PLCL1: variants seen among roughly 807,000 people sequenced by gnomAD.
PLCL1 encodes the protein inactive phospholipase C-like protein 1.
PLCL1 carries 41 observed loss-of-function variants against 84.4 expected under a neutral mutation model. The observed-to-expected ratio is 0.49, with a 90% CI of 0.38 to 0.63. The LOEUF is 0.63. PLCL1 is among the 30% of genes least tolerant of loss of function. The pLI is 0.00. For missense variants in PLCL1, 1,206 were observed against 1,367.8 expected (o/e 0.88, Z 1.87); for synonymous variants, 490 against 488.3 (o/e 1.00, Z -0.05).
intron 1 of PLCL1, among the ~76,000 whole-genome samples, chr2:197,928,476 A>C (rs1688874276): frequency 6.6e-6 from 1 of 152,226 alleles, no homozygotes; most frequent in African/African-American, 2.4e-5. Flanking sequence ...ATAAATATTC[A>C]AGATGCTCTG....
chr2:198,066,749 A>G (rs994004331), intron 1 of PLCL1, among the ~76,000 whole-genome samples: 5 of 152,050 alleles, frequency 3.3e-5, no homozygotes, highest in Non-Finnish European at 7.4e-5. Context: ...GGCCTGTGTT[A>G]GTGGAGTCTC....
chr2:197,814,064 CTT>C (rs1284726133), intron 1 of PLCL1, among the ~76,000 whole-genome samples: 2 of 152,182 alleles, frequency 1.3e-5, no homozygotes, highest in African/African-American at 4.8e-5. Flanking sequence ...TATAACTTTA[CTT>C]TAATATTGCA....
chr2:197,897,484 C>T (rs1688176294), intron 1 of PLCL1, among the ~76,000 whole-genome samples: 1 of 151,994 alleles, frequency 6.6e-6, no homozygotes, highest in Non-Finnish European at 1.5e-5. Context: ...GGCTAAGTCA[C>T]AGAACTTCTA....
chr2:197,945,323 A>G (rs1055374581), intron 1 of PLCL1, among the ~76,000 whole-genome samples: 1 of 152,136 alleles, frequency 6.6e-6, no homozygotes, highest in Non-Finnish European at 1.5e-5. Context: ...TAGGTTCTTT[A>G]TTAGATATTC....
chr2:198,082,948 G>C (rs1692759608), intron 1 of PLCL1, among the ~76,000 whole-genome samples: 1 of 152,180 alleles, frequency 6.6e-6, no homozygotes, highest in African/African-American at 2.4e-5. Flanking sequence ...CTGGAATTCT[G>C]TAACACTAAG....
intron 1 of PLCL1, among the ~76,000 whole-genome samples, chr2:197,822,397 C>T (rs1482320992): frequency 2.0e-5 from 3 of 152,114 alleles, no homozygotes; most frequent in Admixed American, 1.3e-4. Flanking sequence ...CCTATTTCTA[C>T]CTTCAGGAGC....
At chr2:198,144,995 GT>G in intron 5 of PLCL1, among the ~76,000 whole-genome samples, 1 of 152,056 alleles carries the variant, frequency 6.6e-6, no homozygotes, top group Non-Finnish European at 1.5e-5. Flanking sequence ...CTGGGCCTCA[GT>G]TTTTTTAATC....
At chr2:197,899,697 G>A (rs1013107038) in intron 1 of PLCL1, among the ~76,000 whole-genome samples, 2 of 146,432 alleles carry the variant, frequency 1.4e-5, no homozygotes, top group East Asian at 2.0e-4. Flanking sequence ...GTGCAGTGGC[G>A]CGATCTCGGC....
intron 1 of PLCL1, among the ~76,000 whole-genome samples, chr2:197,964,522 T>A (rs1689689003): frequency 1.3e-5 from 2 of 152,114 alleles, no homozygotes; most frequent in African/African-American, 4.8e-5. Flanking sequence ...TTTTTCTAAA[T>A]GTAAGATCAT....
chr2:198,082,548 C>T (rs545513589), intron 1 of PLCL1, among the ~76,000 whole-genome samples: 13 of 152,104 alleles, frequency 8.5e-5, no homozygotes, highest in South Asian at 2.1e-4. Context: ...ACATGCATTA[C>T]GACTCTTTTG....
intron 1 of PLCL1, among the ~76,000 whole-genome samples, chr2:198,017,226 T>G (rs1316508653): frequency 1.3e-5 from 2 of 152,138 alleles, no homozygotes; most frequent in Non-Finnish European, 2.9e-5. Context: ...CAAAGAACAA[T>G]AGACATGGGG....
Position 197,999,848 on chromosome 2 carries a change from G to C in PLCL1, c.241-83910G>C, listed in dbSNP as rs577201879. Among the ~76,000 whole-genome samples the C allele has an allele frequency of 9.1e-4, 138 of 152,000 alleles. No individual in the cohort carries two copies. The Middle Eastern group carries it at 0.014, about 15-fold the overall frequency. On this transcript the variant is annotated intron_variant, in intron 1 of 5. Transcript: ENST00000428675. Reference sequence around the variant, plus strand: ...TACATATTGTATATGTAATACGTATGTGTGTGTGTGTGCTTATCCACAGAA... The same window carrying C: ...TACATATTGTATATGTAATACGTATCTGTGTGTGTGTGCTTATCCACAGAA...
intron 5 of PLCL1, among the ~76,000 whole-genome samples, chr2:198,134,395 T>G (rs1475302489): frequency 2.6e-5 from 4 of 152,132 alleles, no homozygotes; most frequent in Non-Finnish European, 5.9e-5. Context: ...AACTAAGAAG[T>G]AGCATGTTTT....
At chr2:198,042,942 G>C (rs1376361364) in intron 1 of PLCL1, among the ~76,000 whole-genome samples, 1 of 152,184 alleles carries the variant, frequency 6.6e-6, no homozygotes, top group Non-Finnish European at 1.5e-5. Context: ...GAGAGATCAA[G>C]AAAGGTGAGG....
intron 1 of PLCL1, chr2:198,070,984 A>C (rs1692449617): frequency 1.3e-6 from 1 of 789,566 alleles, no homozygotes; most frequent in South Asian, 5.7e-5. Flanking sequence ...TTCTAGAGAT[A>C]ACCACTATCA....
Position 197,844,795 on chromosome 2 carries a change from T to A in PLCL1, c.240+39456T>A, listed in dbSNP as rs145407459. 9.7e-3 allele frequency among the ~76,000 whole-genome samples: 1,475 copies of A among 152,252 alleles called. 7 individuals are homozygous for A. The highest frequency in any genetic ancestry group is 0.017 in the Non-Finnish European group (1,155 of 67,990). On this transcript the variant is annotated intron_variant, in intron 1 of 5. Transcript: ENST00000428675. The stretch of plus-strand genomic sequence containing the variant: ...TGTTGTAGGATTAAACTCTGTGTTC[T>A]GTTCTTATAACTTCATATATGGCAT...
intron 1 of PLCL1, among the ~76,000 whole-genome samples, chr2:197,984,787 G>A (rs548276517): frequency 4.6e-5 from 7 of 152,258 alleles, no homozygotes; most frequent in Non-Finnish European, 8.8e-5. Context: ...TTATTACTTC[G>A]TTGGCTTCTA....
At chr2:197,947,759 C>T (rs777111376) in intron 1 of PLCL1, among the ~76,000 whole-genome samples, 5 of 152,130 alleles carry the variant, frequency 3.3e-5, no homozygotes, top group Admixed American at 6.6e-5. Flanking sequence ...AACCTCCAAC[C>T]ATACTGGAGC....
chr2:197,840,365 G>A (rs747633988), intron 1 of PLCL1, among the ~76,000 whole-genome samples: 2 of 151,752 alleles, frequency 1.3e-5, no homozygotes, highest in Non-Finnish European at 1.5e-5. Context: ...CATGCCTCTC[G>A]GTGAGAAAAT....
Sources: allele counts gnomAD v4.1 joint callset (sites outside exome capture counted in the v4.1 genomes callset), GRCh38; gene constraint gnomAD v4.1.1; transcripts MANE v1.5; gene names NCBI Gene and HGNC (gene_info 2026-07-23, HGNC 2026-07-21).